STAMBP: variants seen among roughly 807,000 people sequenced by gnomAD.
STAMBP encodes the protein STAM-binding protein.
STAMBP carries 31 observed loss-of-function variants against 50.7 expected under a neutral mutation model. The observed-to-expected ratio is 0.61, with a 90% CI of 0.46 to 0.83. The LOEUF is 0.83. Among genes scored for constraint, STAMBP ranks in the 40% least tolerant of loss-of-function variants. STAMBP has a pLI of 0.00. For synonymous variants in STAMBP, 211 were observed against 192.4 expected (o/e 1.10, Z -0.80); for missense variants, 472 against 518.9 (o/e 0.91, Z 0.88).
At chr2:73,844,782 G>T in intron 2 of STAMBP, 31 bp from the exon 3 acceptor site, 1 of 1,584,562 alleles carries the variant, frequency 6.3e-7, no homozygotes, top group Non-Finnish European at 8.7e-7. Context: ...TGGACCATTT[G>T]CTTCATAATC....
At chr2:73,871,472 C>T (rs571474489), downstream of STAMBP, among the ~76,000 whole-genome samples, 2 of 151,102 alleles carry the variant, frequency 1.3e-5, no homozygotes, top group East Asian at 2.0e-4. Flanking sequence ...CACTTGAACC[C>T]GGGAGGCAGA....
intron 4 of STAMBP, 73 bp downstream of exon 4, chr2:73,845,335 T>A (rs958242096): frequency 7.0e-5 from 73 of 1,046,734 alleles, no homozygotes; most frequent in Non-Finnish European, 1.0e-4. Flanking sequence ...AATATGACAT[T>A]TCAATATATC....
chr2:73,859,110 CT>C, intron 7 of STAMBP, 143 bp from the exon 8 acceptor site: 1 of 626,898 alleles, frequency 1.6e-6, no homozygotes, highest in Middle Eastern at 2.7e-4. Flanking sequence ...GATGATCTCT[CT>C]TTCTCAAAGT....
rs967137769 is a variant in STAMBP, at chr2:73,838,452, G to A, written c.204-6361G>A. ...AAGTAGTTGATGGGGGACAAGGAGC[G>A]TGTGAACATGTGTATGTATTTTAAG... On this transcript the variant is annotated intron_variant, in intron 2 of 9. Coordinates refer to ENST00000394070, the MANE Select transcript of STAMBP (RefSeq NM_213622.4). Among the ~76,000 whole-genome samples the A allele has an allele frequency of 5.3e-5, 8 of 152,264 alleles. No individual in the cohort carries two copies. In the East Asian group the frequency reaches 1.2e-3, roughly 22 times the overall value.
downstream of STAMBP, among the ~76,000 whole-genome samples, chr2:73,869,196 A>G (rs747427792): frequency 4.1e-4 from 62 of 152,348 alleles, no homozygotes; most frequent in South Asian, 2.9e-3. Context: ...ACTAAAAGAT[A>G]CATTTTAAAA....
At chr2:73,847,319 G>A (rs1311052741) in intron 4 of STAMBP, 68 bp from the exon 5 acceptor site, 2 of 1,520,756 alleles carry the variant, frequency 1.3e-6, no homozygotes, top group Admixed American at 2.2e-5. Flanking sequence ...ATGCTAAAAA[G>A]CCTTGTTCTC....
Position 73,847,436 on chromosome 2 carries a change from T to A in STAMBP, c.425T>A (p.Leu142Gln). The A allele has an allele frequency of 1.2e-6, 2 of 1,613,228 alleles. No homozygotes were observed. Among genetic ancestry groups the A allele is most frequent in the South Asian group, 2.2e-5 (2 of 91,040 alleles). ...CGGAACATGGCCATCCAGCAAGAGC[T>A]GGAAAAGGAAAAACAGAGGGTAGCA... ...LARNMAIQQE[L>Q]EKEKQRVAQQ... The change falls in exon 5 of 10, where the codon CTG (leucine) becomes CAG (glutamine). Residue 142 changes from leucine to glutamine, a missense_variant. Transcript: ENST00000394070.
At chr2:73,833,165 AG>A (rs1270139581) in intron 2 of STAMBP, among the ~76,000 whole-genome samples, 3 of 152,236 alleles carry the variant, frequency 2.0e-5, no homozygotes, top group African/African-American at 7.2e-5. Flanking sequence ...ATGTTTTGGC[AG>A]GCTTTAGCCT....
chr2:73,859,293 C>A lies in STAMBP; in HGVS notation c.1045C>A (p.Leu349Ile). 6.2e-7 allele frequency: 1 copy of A among 1,614,184 alleles called. No homozygotes were observed. Among genetic ancestry groups the A allele is most frequent in the Non-Finnish European group, 8.5e-7 (1 of 1,180,020 alleles). ...TQTAFLSSVDLHTHCSYQMML... is the reference protein window; with the variant it reads ...TQTAFLSSVDIHTHCSYQMML... ...GACCGCGTTTCTCTCCAGTGTCGAC[C>A]TACACACTCACTGCTCTTACCAGAT... Residue 349 changes from leucine to isoleucine, a missense_variant, in exon 8 of 10, where the codon CTA becomes ATA. Leu to Ile is a conservative substitution (Grantham distance 5). Transcript: ENST00000394070.
chr2:73,832,945 TGTGTTAAGA>T, intron 2 of STAMBP, among the ~76,000 whole-genome samples: 1 of 152,328 alleles, frequency 6.6e-6, no homozygotes, highest in East Asian at 1.9e-4. Flanking sequence ...AAGTGTTGCC[TGTGTTAAGA>T]GGAGAAAACC....
At chr2:73,836,176 G>T (rs556984876) in intron 2 of STAMBP, among the ~76,000 whole-genome samples, 1 of 152,230 alleles carries the variant, frequency 6.6e-6, no homozygotes, top group Non-Finnish European at 1.5e-5. Context: ...CACATCTACA[G>T]GTACATTCTT....
rs1317765225 is a variant in STAMBP, at chr2:73,850,469, C to T, written c.961C>T (p.Leu321Phe). The change falls in exon 7 of 10, where the codon CTC becomes TTC. Residue 321 changes from leucine (L) to phenylalanine (F), a missense_variant. Physicochemically the swap from Leu to Phe is conservative, Grantham distance 22. Coordinates refer to ENST00000394070, the MANE Select transcript of STAMBP (RefSeq NM_213622.4). This position sits in a 1 kb window ranked among gnomAD's most constrained non-coding sequence, Gnocchi z 4.3. ...CACAGAGAACGAAGAAGAACTTTTC[C>T]TCATACAGGATCAGCAGGGCCTCAT... ...CNTENEEELF[L>F]IQDQQGLITL... The T allele has an allele frequency of 5.2e-5, 84 of 1,613,654 alleles. No homozygotes were observed. Among genetic ancestry groups the T allele is most frequent in the Non-Finnish European group, 7.1e-5 (84 of 1,179,888 alleles).
At chr2:73,862,145 A>G in intron 9 of STAMBP, 58 bp from the exon 10 acceptor site, 1 of 1,539,058 alleles carries the variant, frequency 6.5e-7, no homozygotes. Flanking sequence ...TGAAGAAAAA[A>G]AAAAAAAAGA....
intron 7 of STAMBP, among the ~76,000 whole-genome samples, chr2:73,852,794 C>T (rs2104578578): frequency 6.6e-6 from 1 of 151,470 alleles, no homozygotes; most frequent in African/African-American, 2.4e-5. Context: ...TCTCCTGCCT[C>T]AGTGTCCTGA....
rs532082446 is a variant in STAMBP, at chr2:73,863,935, C to G, written c.*1676C>G. ...CATTCCAGCCATGTTCATGTTTTCT[C>G]TCTTGCTCAAAAACCTGCAATAGCT... On this transcript the variant is annotated 3_prime_UTR_variant, in exon 10 of 10. Coordinates refer to ENST00000394070, the MANE Select transcript of STAMBP (RefSeq NM_213622.4). 1.3e-5 allele frequency: 2 copies of G among 152,356 alleles called. No individual in the cohort carries two copies. Among genetic ancestry groups the G allele is most frequent in the Admixed American group, 6.5e-5 (1 of 15,302 alleles). The allele number at this position is 152,356 out of a possible 1,614,324, so 9.4% of individuals were successfully genotyped here.
chr2:73,834,571 C>T (rs1233638834), intron 2 of STAMBP, among the ~76,000 whole-genome samples: 1 of 151,812 alleles, frequency 6.6e-6, no homozygotes, highest in African/African-American at 2.4e-5. Flanking sequence ...GTCTTGCTGT[C>T]TCAGGGGCGG....
chr2:73,869,673 T>C (rs539118215), downstream of STAMBP, among the ~76,000 whole-genome samples: 1 of 152,146 alleles, frequency 6.6e-6, no homozygotes, highest in Non-Finnish European at 1.5e-5. Flanking sequence ...CATGTATACA[T>C]ATGGAACAAA....
In STAMBP at chr2:73,864,713, C is replaced by A. The variant is rs1474973049; in HGVS notation, c.*2454C>A. 6.6e-6 allele frequency: 1 copy of A among 152,240 alleles called. No individual in the cohort carries two copies. The highest frequency in any genetic ancestry group is 1.5e-5 in the Non-Finnish European group (1 of 68,064). The allele number at this position is 152,240 out of a possible 1,614,324, so 9.4% of individuals were successfully genotyped here. ...AGACCAGGAGACTTTTCCACTCTTG[C>A]AAGCTGCACAAGTACCATACTTAGT... On this transcript the variant is annotated 3_prime_UTR_variant, in exon 10 of 10. Transcript: ENST00000394070.
intron 3 of STAMBP, 53 bp downstream of exon 3, chr2:73,844,941 C>G: frequency 6.3e-7 from 1 of 1,592,884 alleles, no homozygotes. Flanking sequence ...GCAGCACAGA[C>G]TGACTTCAAG....
Sources: allele counts gnomAD v4.1 joint callset (sites outside exome capture counted in the v4.1 genomes callset), GRCh38; gene constraint gnomAD v4.1.1; non-coding constraint Gnocchi (gnomAD v3.1); transcripts MANE v1.5; gene names NCBI Gene and HGNC (gene_info 2026-07-23, HGNC 2026-07-21).